The following RHPN2 variants were observed in gnomAD, a reference collection of about 807,000 sequenced individuals.
The protein encoded by RHPN2 is rhophilin Rho GTPase binding protein 2, also known as rhophilin-2.
RHPN2 carries 40 observed loss-of-function variants against 79.0 expected under a neutral mutation model. That is an observed-to-expected ratio of 0.51 (90% CI 0.39 to 0.66). RHPN2 has a LOEUF of 0.66. Among genes scored for constraint, RHPN2 ranks in the 30% least tolerant of loss-of-function variants. RHPN2 has a pLI of 0.00. For missense variants in RHPN2, 686 were observed against 883.5 expected (o/e 0.78, Z 2.83); for synonymous variants, 285 against 363.5 (o/e 0.78, Z 2.46).
At chr19:33,040,098 GTCACT>G (rs1331655390) in intron 2 of RHPN2, among the ~76,000 whole-genome samples, 2 of 152,056 alleles carry the variant, frequency 1.3e-5, no homozygotes, top group African/African-American at 4.8e-5. Context: ...CTCGGAGCAG[GTCACT>G]TCTGATCTAG....
At position 33,026,034 on chromosome 19, in the gene RHPN2, C is replaced by T. The variant is rs191749588; in HGVS notation, c.314+470G>A. On this transcript the variant is annotated intron_variant, in intron 3 of 14. Coordinates refer to ENST00000254260, the MANE Select transcript of RHPN2 (RefSeq NM_033103.5). Reference sequence around the variant, plus strand: ...TGAGACAGAGTCTTGCTCTGTCAGCCGGGCTGGAGTACAGTAGTGTGATCT... The same window carrying T: ...TGAGACAGAGTCTTGCTCTGTCAGCTGGGCTGGAGTACAGTAGTGTGATCT... 1.3e-3 allele frequency among the ~76,000 whole-genome samples: 189 copies of T among 146,746 alleles called. 1 individual carries two copies. The Middle Eastern group carries it at 0.014, about 11-fold the overall frequency.
At chr19:33,007,909 C>G (rs76166320) in intron 7 of RHPN2, 105 bp downstream of exon 7, 2 of 1,237,722 alleles carry the variant, frequency 1.6e-6, no homozygotes, top group Non-Finnish European at 2.3e-6. Context: ...GGAGACTGGT[C>G]TGGCCCTTGC....
chr19:33,015,986 G>A (rs1971874455), intron 4 of RHPN2, among the ~76,000 whole-genome samples: 1 of 152,034 alleles, frequency 6.6e-6, no homozygotes, highest in African/African-American at 2.4e-5. Context: ...GGGGGCAGAG[G>A]TTGCAGTGAG....
At chr19:33,027,843 A>G (rs1236382973) in intron 2 of RHPN2, among the ~76,000 whole-genome samples, 1 of 152,204 alleles carries the variant, frequency 6.6e-6, no homozygotes, top group Non-Finnish European at 1.5e-5. Flanking sequence ...CAAAGTAGGA[A>G]TAAAAGAGAA....
rs967707043 is a variant in RHPN2, at chr19:32,998,746, G to A, written c.1225+840C>T. 2.8e-5 allele frequency among the ~76,000 whole-genome samples: 4 copies of A among 144,750 alleles called. No individual in the cohort carries two copies. In the East Asian group the frequency reaches 8.3e-4, roughly 30 times the overall value. 95.0% of individuals were successfully genotyped at this position (144,750 alleles called of 152,430 possible). ...GAAGGAAAGAATAAAGGAGAGAGGA[G>A]AGGAAAGGGAGAGAAAAGGAAAGCA... On this transcript the variant is annotated intron_variant, in intron 10 of 14. Coordinates refer to ENST00000254260, the MANE Select transcript of RHPN2 (RefSeq NM_033103.5).
chr19:33,058,306 C>T (rs1459270159), intron 1 of RHPN2, among the ~76,000 whole-genome samples: 1 of 152,234 alleles, frequency 6.6e-6, no homozygotes. Flanking sequence ...GAGTCAGGGT[C>T]TGGAATGCCC....
intron 6 of RHPN2, 70 bp from the exon 7 acceptor site, chr19:33,008,250 CTTT>C (rs71340517): frequency 6.7e-4 from 728 of 1,081,592 alleles, no homozygotes; most frequent in Non-Finnish European, 7.7e-4. Context: ...GGAAAAAATT[CTTT>C]TTTTTTTTTT....
intron 2 of RHPN2, among the ~76,000 whole-genome samples, chr19:33,034,861 G>T (rs60596207): frequency 0.11 from 16,669 of 151,812 alleles, 1,065 homozygotes; most frequent in South Asian, 0.2. Flanking sequence ...TGCTTTGAGA[G>T]GCTGAGGCAG....
intron 1 of RHPN2, among the ~76,000 whole-genome samples, chr19:33,059,882 C>A (rs1021356974): frequency 6.6e-6 from 1 of 152,188 alleles, no homozygotes; most frequent in African/African-American, 2.4e-5. Flanking sequence ...GGCTTTCCTC[C>A]CACCTCTCTA....
chr19:33,038,940 G>A (rs1972079274), intron 2 of RHPN2, among the ~76,000 whole-genome samples: 1 of 152,124 alleles, frequency 6.6e-6, no homozygotes, highest in African/African-American at 2.4e-5. Context: ...TTACAGACTT[G>A]AGCCACCACG....
chr19:33,052,729 A>T (rs1280476897), intron 1 of RHPN2, among the ~76,000 whole-genome samples: 1 of 152,198 alleles, frequency 6.6e-6, no homozygotes, highest in Non-Finnish European at 1.5e-5. Context: ...AAATAAAAAC[A>T]TGAATTCAGT....
At chr19:33,030,498 T>A (rs924006061) in intron 2 of RHPN2, among the ~76,000 whole-genome samples, 1 of 151,902 alleles carries the variant, frequency 6.6e-6, no homozygotes, top group Non-Finnish European at 1.5e-5. Flanking sequence ...GAGGCTGAGG[T>A]ATGAGAATCG....
intron 2 of RHPN2, among the ~76,000 whole-genome samples, chr19:33,031,210 TTTCTATTCTATTCTATTCTATTCTA>T (rs150522688): frequency 9.0e-5 from 13 of 145,144 alleles, no homozygotes; most frequent in Non-Finnish European, 1.7e-4. Context: ...TATTCTATTC[TTTCTATTCTATTCTATTCTATTCTA>T]TTCTATTCTA....
At chr19:32,992,034 G>A in intron 12 of RHPN2, 65 bp from the exon 13 acceptor site, 4 of 1,597,122 alleles carry the variant, frequency 2.5e-6, no homozygotes, top group African/African-American at 1.3e-5. Context: ...AAAGCTAAAG[G>A]GAATTTTGCC....
chr19:33,012,752 T>A, intron 4 of RHPN2, 28 bp from the exon 5 acceptor site: 1 of 1,336,412 alleles, frequency 7.5e-7, no homozygotes, highest in Non-Finnish European at 1.1e-6. Context: ...TCAGATGTTA[T>A]AAAGTGTGGC....
chr19:33,030,079 C>T (rs976362274), intron 2 of RHPN2, among the ~76,000 whole-genome samples: 3 of 152,166 alleles, frequency 2.0e-5, no homozygotes, highest in Admixed American at 1.3e-4. Context: ...ACAGTTCAGG[C>T]ACAGTGAGTC....
chr19:33,034,432 T>C (rs576597993), intron 2 of RHPN2, among the ~76,000 whole-genome samples: 21 of 151,618 alleles, frequency 1.4e-4, no homozygotes, highest in African/African-American at 4.1e-4. Flanking sequence ...AGTGAAACCC[T>C]GTCTCTACTA....
chr19:33,060,512 T>G (rs1336897458), intron 1 of RHPN2, among the ~76,000 whole-genome samples: 1 of 152,072 alleles, frequency 6.6e-6, no homozygotes, highest in African/African-American at 2.4e-5. Context: ...GAGGCTGTGT[T>G]TACACGGCCG....
At chr19:33,000,171 T>C (rs1033362760) in intron 9 of RHPN2, among the ~76,000 whole-genome samples, 2 of 151,396 alleles carry the variant, frequency 1.3e-5, no homozygotes, top group Non-Finnish European at 2.9e-5. Flanking sequence ...TATGCCTGGC[T>C]ACCCCAAAGC....
Sources: allele counts gnomAD v4.1 joint callset (sites outside exome capture counted in the v4.1 genomes callset), GRCh38; gene constraint gnomAD v4.1.1; transcripts MANE v1.5; gene names NCBI Gene and HGNC (gene_info 2026-07-23, HGNC 2026-07-21).